The following CLPB variants were observed in gnomAD, a reference collection of about 807,000 sequenced individuals.
CLPB encodes mitochondrial disaggregase.
Under a neutral mutation model 78.4 loss-of-function variants are expected in CLPB, and 40 were observed. The observed-to-expected ratio is 0.51, with a 90% confidence interval of 0.40 to 0.66. The LOEUF is 0.66. Among genes scored for constraint, CLPB ranks in the 30% least tolerant of loss-of-function variants. The pLI, the probability that CLPB is intolerant of heterozygous loss-of-function variation, is 0.00. For missense variants in CLPB, 780 were observed against 886.9 expected (o/e 0.88, Z 1.53); for synonymous variants, 333 against 348.0 (o/e 0.96, Z 0.48).
At position 72,434,396 on chromosome 11, in the gene CLPB, G is replaced by A. The variant is rs1239981521; in HGVS notation, c.79C>T (p.Arg27Trp). 5 of 1,608,424 alleles carry A rather than the reference G, an allele frequency of 3.1e-6. No homozygotes were observed. The highest frequency in any genetic ancestry group is 3.4e-5 in the Admixed American group (2 of 59,532). The change falls in exon 1 of 16, where the codon CGG (arginine) becomes TGG (tryptophan). Residue 27 changes from arginine (R) to tryptophan (W), a missense_variant. Coordinates refer to ENST00000538039, the MANE Select transcript of CLPB (RefSeq NM_001258392.3). ...LLRLLRSPTL[R>W]GHGGASGRNV... ...CGGCCGGAAGCACCTCCATGGCCCC[G>A]GAGCGTTGGGGACCTGAGCAGCCGG...
At chr11:72,429,946 C>T (rs1176222065) in intron 2 of CLPB, among the ~76,000 whole-genome samples, 2 of 152,170 alleles carry the variant, frequency 1.3e-5, no homozygotes, top group Non-Finnish European at 2.9e-5. Flanking sequence ...CCATAGATGC[C>T]GACCTGCAAC....
At chr11:72,432,998 C>T (rs1379377829) in intron 1 of CLPB, among the ~76,000 whole-genome samples, 3 of 152,254 alleles carry the variant, frequency 2.0e-5, no homozygotes, top group Admixed American at 1.3e-4. Context: ...CAGTCTGGCT[C>T]TCTGTCCACT....
At chr11:72,408,666 CAAAAAAAAA>C (rs576990524) in intron 2 of CLPB, among the ~76,000 whole-genome samples, 1 of 64,262 alleles carries the variant, frequency 1.6e-5, no homozygotes, top group African/African-American at 4.6e-5. Context: ...GACTCTGTCT[CAAAAAAAAA>C]AAAAAAAAAA....
chr11:72,353,271 C>T (rs1950646486), intron 5 of CLPB: 1 of 152,336 alleles, frequency 6.6e-6, no homozygotes, highest in South Asian at 2.1e-4. Flanking sequence ...AAGGAGGATT[C>T]ACTAAAGTAG....
intron 9 of CLPB, among the ~76,000 whole-genome samples, chr11:72,304,455 C>T (rs1000756642): frequency 1.3e-5 from 2 of 152,136 alleles, no homozygotes; most frequent in African/African-American, 4.8e-5. Context: ...TATCCCTTAT[C>T]ATATTGCTAC....
chr11:72,352,332 A>AT (rs1950628925), intron 5 of CLPB: 1 of 152,114 alleles, frequency 6.6e-6, no homozygotes, highest in African/African-American at 2.4e-5. Flanking sequence ...AATCTTAATG[A>AT]TTTTCCATTG....
In CLPB at chr11:72,402,969, T is replaced by G; in HGVS notation, c.539A>C (p.Asn180Thr). 6.2e-7 allele frequency: 1 copy of G among 1,613,936 alleles called. No individual in the cohort carries two copies. Among genetic ancestry groups the G allele is most frequent in the Non-Finnish European group, 8.5e-7 (1 of 1,179,946 alleles). ...ALMVAAINRN[N>T]SVVQVLLAAG... ...TGTGTGGAAGGTGGTCTCTCACCTG[T>G]TGTTTCGGTTGATGGCTGCCACCAT... The change falls in exon 3 of 16, where the codon AAC becomes ACC. Residue 180 changes from asparagine to threonine, a missense_variant. Physicochemically the swap from Asn to Thr is moderately conservative, Grantham distance 65. Around this residue, in one of 3 missense-constraint regions of CLPB, gnomAD observed 417 missense variants for 414.7 expected, o/e 1.01. Coordinates refer to ENST00000538039, the MANE Select transcript of CLPB (RefSeq NM_001258392.3).
rs995646661 is a variant in CLPB, at chr11:72,287,106, TG to T, written c.*6260del. 1 of 152,180 alleles carries T rather than the reference TG, an allele frequency of 6.6e-6. No individual in the cohort carries two copies. The highest frequency in any genetic ancestry group is 2.4e-5 in the African/African-American group (1 of 41,434). 9.4% of individuals were successfully genotyped at this position (152,180 alleles called of 1,614,324 possible). On this transcript the variant is annotated 3_prime_UTR_variant, in exon 16 of 16. Coordinates refer to ENST00000538039, the MANE Select transcript of CLPB (RefSeq NM_001258392.3). ...TCAACTTGATTTTATTTGGGATTTT[TG>T]CATCTATGGCCATAGGTGAGATTAG...
intron 7 of CLPB, among the ~76,000 whole-genome samples, chr11:72,313,366 T>C (rs1286057550): frequency 6.6e-6 from 1 of 152,188 alleles, no homozygotes; most frequent in Non-Finnish European, 1.5e-5. Flanking sequence ...TTAGTAAGGA[T>C]TATTCTTTCT....
At chr11:72,385,565 A>G (rs1366427994) in intron 3 of CLPB, among the ~76,000 whole-genome samples, 3 of 152,176 alleles carry the variant, frequency 2.0e-5, no homozygotes, top group Non-Finnish European at 4.4e-5. Context: ...GCTCATGCCT[A>G]TAATCTCAGC....
chr11:72,383,433 A>T lies in CLPB; in HGVS notation c.543-3049T>A, dbSNP rs552812017. The stretch of plus-strand genomic sequence containing the variant: ...GTAGTCCCAGCTACTCGGAAGGCTG[A>T]GGCAGGAGAATGGCGTGAACCCGGG... On this transcript the variant is annotated intron_variant, in intron 3 of 15. Coordinates refer to ENST00000538039, the MANE Select transcript of CLPB (RefSeq NM_001258392.3). 2.6e-5 allele frequency among the ~76,000 whole-genome samples: 4 copies of T among 151,540 alleles called. No individual in the cohort carries two copies. In the South Asian group the frequency reaches 8.4e-4, roughly 32 times the overall value.
intron 12 of CLPB, 26 bp downstream of exon 12, chr11:72,295,466 C>A (rs777934066): frequency 6.2e-7 from 1 of 1,609,166 alleles, no homozygotes; most frequent in East Asian, 2.2e-5. Context: ...GTCACTGGAC[C>A]AGACTGCTCA....
At chr11:72,294,831 G>A in intron 12 of CLPB, 138 bp from the exon 13 acceptor site, 3 of 734,506 alleles carry the variant, frequency 4.1e-6, no homozygotes, top group African/African-American at 1.7e-5. Context: ...AAGGCTCTCT[G>A]GGCTTCAGCC....
At chr11:72,351,364 C>G (rs1403244948) in intron 5 of CLPB, 2 of 152,218 alleles carry the variant, frequency 1.3e-5, no homozygotes, top group Non-Finnish European at 2.9e-5. Context: ...TCTCCCCTTT[C>G]TGCCTGGGAG....
At chr11:72,367,017 A>G (rs971112919) in intron 4 of CLPB, among the ~76,000 whole-genome samples, 17 of 152,334 alleles carry the variant, frequency 1.1e-4, no homozygotes, top group African/African-American at 3.6e-4. Context: ...ACATGGTACT[A>G]TACCATGGGA....
intron 1 of CLPB, among the ~76,000 whole-genome samples, chr11:72,432,304 G>C (rs907410589): frequency 1.3e-5 from 2 of 152,164 alleles, no homozygotes; most frequent in African/African-American, 4.8e-5. Flanking sequence ...TGATGTCTAG[G>C]TATTCGGGAA....
intron 6 of CLPB, among the ~76,000 whole-genome samples, 193 bp from the exon 7 acceptor site, chr11:72,317,413 G>A (rs546028773): frequency 1.1e-4 from 16 of 152,252 alleles, no homozygotes; most frequent in African/African-American, 3.4e-4. Flanking sequence ...CAGGGGTCTC[G>A]GCTCACTCTG....
Position 72,352,019 on chromosome 11 carries a change from C to T in CLPB, c.775+6861G>A, listed in dbSNP as rs118010898. Among the ~76,000 whole-genome samples, 64 of 152,296 alleles carry T rather than the reference C, an allele frequency of 4.2e-4. 1 individual carries two copies. The East Asian group carries it at 0.01, about 25-fold the overall frequency. On this transcript the variant is annotated intron_variant, in intron 5 of 15. Transcript: ENST00000538039. The stretch of plus-strand genomic sequence containing the variant: ...ATAACATTACAGCATCCCAGAGATC[C>T]CCTCACGGCCTCTCCCAGTCACTAC...
At chr11:72,403,172 G>A (rs1179864425) in intron 2 of CLPB, 120 bp from the exon 3 acceptor site, 2 of 937,870 alleles carry the variant, frequency 2.1e-6, no homozygotes, top group East Asian at 4.8e-5. Flanking sequence ...TGTAAAAGTA[G>A]AAACAACCAT....
Sources: allele counts gnomAD v4.1 joint callset (sites outside exome capture counted in the v4.1 genomes callset), GRCh38; gene constraint gnomAD v4.1.1; regional missense constraint gnomAD v4.1.1; transcripts MANE v1.5; gene names NCBI Gene and HGNC (gene_info 2026-07-23, HGNC 2026-07-21).